Variants in CDH23 observed in about 807,000 individuals in gnomAD.
The protein encoded by CDH23 is cadherin-23.
CDH23 carries 189 observed loss-of-function variants against 317.1 expected under a neutral mutation model. The ratio of observed to expected loss-of-function variants is 0.60; its 90% confidence interval spans 0.53 to 0.67. CDH23 has a LOEUF of 0.67. CDH23 is among the 30% of genes least tolerant of loss of function. The probability of loss-of-function intolerance (pLI) is 0.00; values close to 1 mark genes in which losing one functional copy is unlikely to be tolerated. For missense variants in CDH23, 4,401 were observed against 4,592.4 expected (o/e 0.96, Z 1.20); for synonymous variants, 1,839 against 1,876.8 (o/e 0.98, Z 0.52).
At chr10:71,784,162 C>A in intron 41 of CDH23, 125 bp from the exon 42 acceptor site, 1 of 1,006,318 alleles carries the variant, frequency 9.9e-7, no homozygotes, top group Non-Finnish European at 1.4e-6. Context: ...CACTGGAGGA[C>A]CCGGGCCCCA....
At chr10:71,731,837 T>C in intron 31 of CDH23, 150 bp from the exon 32 acceptor site, 1 of 740,918 alleles carries the variant, frequency 1.3e-6, no homozygotes. Context: ...CATCCTCTGC[T>C]GCATCTCTGA....
chr10:71,609,324 C>G (rs886192222), intron 9 of CDH23, among the ~76,000 whole-genome samples: 2 of 151,986 alleles, frequency 1.3e-5, no homozygotes, highest in Non-Finnish European at 2.9e-5. Context: ...CTCCGACCAC[C>G]TAGAAAACAG....
rs2132983724 is a variant in CDH23 at position 71,805,908 on chromosome 10, CG to C, written c.7978del (p.Asp2660ThrfsTer64). On this transcript the variant is annotated frameshift_variant, in exon 56 of 70. Coordinates refer to ENST00000224721, the MANE Select transcript of CDH23 (RefSeq NM_022124.6). LOFTEE classifies it high-confidence loss of function. ...RYSFLKTAGN[R>X]DWEFFIIDPI... ...CAGCTTCCTGAAGACTGCGGGCAAC[CG>C]GGACTGGGAGTTCTTCATCATCGAC... The C allele has an allele frequency of 6.2e-7, 1 of 1,613,454 alleles. No homozygotes were observed. Among genetic ancestry groups the C allele is most frequent in the Non-Finnish European group, 8.5e-7 (1 of 1,179,720 alleles).
chr10:71,793,043 T>G (rs1841305264), intron 47 of CDH23, 139 bp from the exon 48 acceptor site: 1 of 568,276 alleles, frequency 1.8e-6, no homozygotes, highest in Admixed American at 3.4e-5. Flanking sequence ...AAATTGCAAG[T>G]ATGAAAAAGG....
chr10:71,634,414 G>A (rs1229303483), intron 11 of CDH23, among the ~76,000 whole-genome samples: 1 of 152,284 alleles, frequency 6.6e-6, no homozygotes, highest in Non-Finnish European at 1.5e-5. Flanking sequence ...GTTGGGTGCA[G>A]AGTTTGCCAT....
At chr10:71,549,259 G>T (rs982572130) in intron 6 of CDH23, among the ~76,000 whole-genome samples, 1 of 152,256 alleles carries the variant, frequency 6.6e-6, no homozygotes, top group African/African-American at 2.4e-5. Context: ...GGGCTGGAAA[G>T]AACTGGATTT....
chr10:71,664,614 A>G lies in CDH23; in HGVS notation c.1450-10498A>G, dbSNP rs148765841. Among the ~76,000 whole-genome samples, 1,255 of 152,338 alleles carry G rather than the reference A, an allele frequency of 8.2e-3. 25 individuals carry two copies. The highest frequency in any genetic ancestry group is 0.029 in the African/African-American group (1,208 of 41,570). ...TGTAGAACTGGAAGTGGAAATAATAATACTAGCTCCACTTAGAAAGCGGCG... is the reference window on the plus strand; with the variant it reads ...TGTAGAACTGGAAGTGGAAATAATAGTACTAGCTCCACTTAGAAAGCGGCG... On this transcript the variant is annotated intron_variant, in intron 14 of 69. Coordinates refer to ENST00000224721, the MANE Select transcript of CDH23 (RefSeq NM_022124.6).
At chr10:71,505,646 C>A (rs1853592646) in intron 3 of CDH23, among the ~76,000 whole-genome samples, 1 of 152,152 alleles carries the variant, frequency 6.6e-6, no homozygotes, top group African/African-American at 2.4e-5. Flanking sequence ...GGACAGAGGG[C>A]AGGGTACCAA....
At chr10:71,770,262 C>A (rs759088606) in intron 38 of CDH23, among the ~76,000 whole-genome samples, 12 of 152,218 alleles carry the variant, frequency 7.9e-5, no homozygotes, top group Non-Finnish European at 1.3e-4. Context: ...CGTTCATTGG[C>A]TCTTCACAGT....
chr10:71,437,534 G>A (rs1292892238), intron 1 of CDH23, among the ~76,000 whole-genome samples: 2 of 152,170 alleles, frequency 1.3e-5, no homozygotes, highest in African/African-American at 4.8e-5. Flanking sequence ...TATGTAGAGG[G>A]TAACTCCATT....
At chr10:71,666,928 A>G (rs760761668) in intron 14 of CDH23, among the ~76,000 whole-genome samples, 4 of 152,260 alleles carry the variant, frequency 2.6e-5, no homozygotes, top group Non-Finnish European at 5.9e-5. Flanking sequence ...CCGGGGCTCC[A>G]CAGAGCTGTT....
At chr10:71,781,505 C>T (rs1589418077) in intron 41 of CDH23, among the ~76,000 whole-genome samples, 1 of 152,168 alleles carries the variant, frequency 6.6e-6, no homozygotes, top group South Asian at 2.1e-4. Context: ...CAGCTGAAGC[C>T]CCTCCCCATG....
At chr10:71,615,854 G>A (rs1038711743) in intron 10 of CDH23, among the ~76,000 whole-genome samples, 1 of 152,206 alleles carries the variant, frequency 6.6e-6, no homozygotes, top group Admixed American at 6.5e-5. Flanking sequence ...CAACCACACG[G>A]GTTGGAACTT....
At chr10:71,701,708 G>T (rs909419608) in intron 22 of CDH23, among the ~76,000 whole-genome samples, 1 of 152,086 alleles carries the variant, frequency 6.6e-6, no homozygotes, top group African/African-American at 2.4e-5. Context: ...ACAATCTAAT[G>T]CTTCAAAGGA....
chr10:71,436,976 GT>G (rs1413968785), intron 1 of CDH23, among the ~76,000 whole-genome samples: 3 of 152,216 alleles, frequency 2.0e-5, no homozygotes, highest in African/African-American at 7.2e-5. Flanking sequence ...ATATGATAGG[GT>G]AATGCAAGAT....
At chr10:71,457,172 CAAG>C (rs1850737035) in intron 3 of CDH23, among the ~76,000 whole-genome samples, 1 of 152,120 alleles carries the variant, frequency 6.6e-6, no homozygotes, top group Non-Finnish European at 1.5e-5. Flanking sequence ...AGGCATTTCA[CAAG>C]AAGGCAATGG....
chr10:71,593,255 T>C (rs1453897744), intron 9 of CDH23, among the ~76,000 whole-genome samples: 1 of 152,104 alleles, frequency 6.6e-6, no homozygotes, highest in Non-Finnish European at 1.5e-5. Flanking sequence ...GTAGCTGGTG[T>C]TGGGAAAACT....
intron 45 of CDH23, 143 bp downstream of exon 45, chr10:71,789,185 C>T (rs1253659050): frequency 3.7e-5 from 22 of 586,820 alleles, no homozygotes; most frequent in East Asian, 5.7e-5. Context: ...GGTGCAGCTC[C>T]GGGAGATGGT....
chr10:71,686,008 G>A (rs1043164411), intron 18 of CDH23, among the ~76,000 whole-genome samples: 2 of 151,990 alleles, frequency 1.3e-5, no homozygotes, highest in Non-Finnish European at 2.9e-5. Flanking sequence ...AAACCACAGG[G>A]CTCCAGGAGG....
Sources: gnomAD v4.1 joint callset for allele counts (sites outside exome capture counted in the v4.1 genomes callset) on GRCh38, gnomAD v4.1.1 for gene constraint, MANE v1.5 for transcripts, NCBI Gene and HGNC (gene_info 2026-07-23, HGNC 2026-07-21) for gene names.